The following GPC3 variants were observed in gnomAD, a reference collection of about 807,000 sequenced individuals.
GPC3 encodes glypican-3.
A neutral mutation model predicts 34.4 loss-of-function variants in GPC3; 3 were observed. The ratio of observed to expected loss-of-function variants is 0.09; its 90% confidence interval spans 0.04 to 0.23. The LOEUF is 0.23. Among genes scored for constraint, GPC3 ranks in the 10% least tolerant of loss-of-function variants. The pLI is 1.00. For synonymous variants in GPC3, 177 were observed against 174.0 expected, an observed-to-expected ratio of 1.02 and a Z score of -0.13; for missense variants, 351 against 445.6, an observed-to-expected ratio of 0.79 and a Z score of 1.91.
At chrX:133,815,465 T>G (rs1290584253) in intron 2 of GPC3, among the ~76,000 whole-genome samples, 3 of 109,083 alleles carry the variant, frequency 2.8e-5, no homozygotes, top group Non-Finnish European at 3.8e-5. Context: ...CTAGAAGGAG[T>G]CAGGTTTGTT....
intron 2 of GPC3, among the ~76,000 whole-genome samples, chrX:133,821,855 T>G (rs1267469229): frequency 8.9e-6 from 1 of 112,014 alleles, no homozygotes; most frequent in East Asian, 2.8e-4. Context: ...TCACTCACAG[T>G]CAAAATCATT....
At chrX:133,947,546 G>A (rs1408162053) in intron 2 of GPC3, among the ~76,000 whole-genome samples, 2 of 112,029 alleles carry the variant, frequency 1.8e-5, no homozygotes, top group African/African-American at 6.5e-5. Flanking sequence ...TTTGAGACCC[G>A]ATTGAATCCA....
intron 7 of GPC3, among the ~76,000 whole-genome samples, chrX:133,571,292 C>T (rs1211782439): frequency 9.0e-6 from 1 of 111,705 alleles, no homozygotes; most frequent in East Asian, 2.8e-4. Context: ...TTTACTTCAG[C>T]CAACCACTCA....
intron 2 of GPC3, among the ~76,000 whole-genome samples, chrX:133,754,572 A>G (rs2071709096): frequency 8.9e-6 from 1 of 112,565 alleles, no homozygotes; most frequent in Non-Finnish European, 1.9e-5. Context: ...AGGACATTTC[A>G]TTTTTAGACA....
At chrX:133,715,169 GA>G (rs1478697952) in intron 3 of GPC3, among the ~76,000 whole-genome samples, 4 of 112,059 alleles carry the variant, frequency 3.6e-5, no homozygotes, top group Non-Finnish European at 7.5e-5. Context: ...CAGACTAGCT[GA>G]GTCTTCTGGT....
chrX:133,928,091 C>A (rs2076283236), intron 2 of GPC3, among the ~76,000 whole-genome samples: 1 of 110,048 alleles, frequency 9.1e-6, no homozygotes, highest in Admixed American at 9.8e-5. Context: ...TATCATCTGA[C>A]CTACATCTCC....
At chrX:133,985,190 C>A in intron 1 of GPC3, 85 bp downstream of exon 1, 1 of 1,041,733 alleles carries the variant, frequency 9.6e-7, no homozygotes. Flanking sequence ...TACAGCCCGG[C>A]GGGGCTAGCG....
At chrX:133,568,633 C>A (rs2069601000) in intron 7 of GPC3, among the ~76,000 whole-genome samples, 1 of 111,134 alleles carries the variant, frequency 9.0e-6, no homozygotes, top group East Asian at 2.8e-4. Flanking sequence ...GTAATCACCT[C>A]TGGATTAGGT....
intron 3 of GPC3, among the ~76,000 whole-genome samples, chrX:133,700,273 C>CT (rs371469315): frequency 2.0e-3 from 218 of 111,713 alleles, no homozygotes; most frequent in African/African-American, 6.7e-3. Flanking sequence ...TAAAAAATGG[C>CT]TTTTTTTCTA....
chrX:133,616,919 C>T (rs1167290516), intron 6 of GPC3, among the ~76,000 whole-genome samples: 7 of 109,766 alleles, frequency 6.4e-5, no homozygotes, highest in Non-Finnish European at 1.3e-4. Context: ...AGGATGGTCT[C>T]GATCTCCTGA....
chrX:133,807,570 C>T (rs2075642898), intron 2 of GPC3, among the ~76,000 whole-genome samples: 1 of 111,283 alleles, frequency 9.0e-6, no homozygotes, highest in Admixed American at 9.5e-5. Flanking sequence ...TTTGCCAAAC[C>T]AGGCAAATGC....
At chrX:133,933,237 C>T (rs1235830081) in intron 2 of GPC3, among the ~76,000 whole-genome samples, 1 of 110,477 alleles carries the variant, frequency 9.1e-6, no homozygotes. Flanking sequence ...GTCAAGGGGA[C>T]AGACATTCTC....
At chrX:133,826,044 G>C (rs1313811573) in intron 2 of GPC3, among the ~76,000 whole-genome samples, 13 of 111,820 alleles carry the variant, frequency 1.2e-4, no homozygotes, top group African/African-American at 3.9e-4. Flanking sequence ...AACAAACACT[G>C]GGGAAGGGAA....
intron 2 of GPC3, among the ~76,000 whole-genome samples, chrX:133,909,175 A>C (rs754726773): frequency 8.9e-6 from 1 of 112,486 alleles, no homozygotes; most frequent in South Asian, 3.7e-4. Flanking sequence ...GGCAGAGCCA[A>C]AAAACAGTTC....
intron 5 of GPC3, among the ~76,000 whole-genome samples, chrX:133,683,026 G>A (rs1335051533): frequency 9.2e-6 from 1 of 108,641 alleles, no homozygotes; most frequent in East Asian, 2.9e-4. Context: ...TTCCCAGTAT[G>A]TATTAATCAC....
intron 2 of GPC3, among the ~76,000 whole-genome samples, chrX:133,779,513 G>A (rs1346649185): frequency 9.0e-6 from 1 of 111,716 alleles, no homozygotes; most frequent in Non-Finnish European, 1.9e-5. Flanking sequence ...CCCTAAGAGG[G>A]CTGTTGTCAG....
At chrX:133,593,662 C>G (rs1247573428) in intron 7 of GPC3, among the ~76,000 whole-genome samples, 1 of 111,420 alleles carries the variant, frequency 9.0e-6, no homozygotes, top group Non-Finnish European at 1.9e-5. Context: ...ATGGAATCTT[C>G]TGCCTGGGTC....
intron 2 of GPC3, among the ~76,000 whole-genome samples, chrX:133,825,638 A>G (rs1457033267): frequency 1.8e-5 from 2 of 112,021 alleles, no homozygotes; most frequent in African/African-American, 3.2e-5. Context: ...AAAACTGGAA[A>G]AGAAGATATC....
intron 2 of GPC3, among the ~76,000 whole-genome samples, chrX:133,893,678 G>T (rs956868512): frequency 8.1e-5 from 9 of 111,223 alleles, no homozygotes; most frequent in Non-Finnish European, 1.5e-4. Flanking sequence ...GAAGCTTGAG[G>T]ATCCTGTGAA....
Sources: allele counts gnomAD v4.1 joint callset (sites outside exome capture counted in the v4.1 genomes callset), GRCh38; gene constraint gnomAD v4.1.1; transcripts MANE v1.5; gene names NCBI Gene and HGNC (gene_info 2026-07-23, HGNC 2026-07-21).